Variants in FAM186A observed in about 807,000 individuals in gnomAD.
The protein encoded by FAM186A is family with sequence similarity 186 member A.
In FAM186A, 163 loss-of-function variants were observed where a neutral mutation model predicts 216.8. The observed-to-expected ratio is 0.75, with a 90% confidence interval of 0.66 to 0.86. FAM186A has a LOEUF of 0.86. Among genes scored for constraint, FAM186A ranks in the 40% least tolerant of loss-of-function variants. The pLI, the probability that FAM186A is intolerant of heterozygous loss-of-function variation, is 0.00. For synonymous variants in FAM186A, 805 were observed against 1,025.3 expected, an observed-to-expected ratio of 0.79 and a Z score of 4.10; for missense variants, 2,184 against 2,746.2, an observed-to-expected ratio of 0.80 and a Z score of 4.58.
At chr12:50,378,967 G>T (rs1943227343) in intron 1 of FAM186A, among the ~76,000 whole-genome samples, 1 of 152,192 alleles carries the variant, frequency 6.6e-6, no homozygotes, top group Non-Finnish European at 1.5e-5. Flanking sequence ...ACATAGGAAA[G>T]TGGTTGAATT....
At chr12:50,330,842 C>G in intron 6 of FAM186A, 84 bp from the exon 7 acceptor site, 1 of 1,193,902 alleles carries the variant, frequency 8.4e-7, no homozygotes, top group African/African-American at 1.6e-5. Context: ...CCCCTCTTCA[C>G]TGCCACCTTG....
At chr12:50,347,534 C>A (rs1358822945) in intron 4 of FAM186A, among the ~76,000 whole-genome samples, 1 of 151,880 alleles carries the variant, frequency 6.6e-6, no homozygotes, top group African/African-American at 2.4e-5. Flanking sequence ...AGTTCGAGAC[C>A]AGCCTGGCCA....
At chr12:50,349,719 G>A (rs1942856297) in intron 4 of FAM186A, among the ~76,000 whole-genome samples, 1 of 151,928 alleles carries the variant, frequency 6.6e-6, no homozygotes, top group Non-Finnish European at 1.5e-5. Flanking sequence ...TGGCATGATC[G>A]GCTTATTGCA....
In FAM186A at chr12:50,342,327, C is replaced by T. The variant is rs1357538955; in HGVS notation, c.6503+8002G>A. Reference sequence around the variant, plus strand: ...GTCTTAAAAAAAACAAAAACAAAAACAAAACAAAACAAAAAAACAAAGAAT... The same window carrying T: ...GTCTTAAAAAAAACAAAAACAAAAATAAAACAAAACAAAAAAACAAAGAAT... On this transcript the variant is annotated intron_variant, in intron 4 of 7. Coordinates refer to ENST00000327337, the MANE Select transcript of FAM186A (RefSeq NM_001145475.3). 4.0e-5 allele frequency among the ~76,000 whole-genome samples: 6 copies of T among 149,552 alleles called. No individual in the cohort carries two copies. The East Asian group carries it at 9.8e-4, about 25-fold the overall frequency.
Position 50,350,558 on chromosome 12 carries a change from C to A in FAM186A, c.6274G>T (p.Val2092Leu). 1 of 1,551,548 alleles carries A rather than the reference C, an allele frequency of 6.4e-7. No homozygotes were observed. Among genetic ancestry groups the A allele is most frequent in the Non-Finnish European group, 8.7e-7 (1 of 1,146,974 alleles). The stretch of plus-strand genomic sequence containing the variant: ...AGTTCTTGAGGAGAGGAAGGGGGCA[C>A]CATTACTTTGGGTTTCTTGGTATCT... ...VSDTKKPKVM[V>L]PPSSPQELEE... Residue 2092 changes from valine to leucine, a missense_variant, in exon 4 of 8, where the codon GTG becomes TTG. Around this residue, in one of 7 missense-constraint regions of FAM186A, gnomAD observed 721 missense variants for 816.4 expected, o/e 0.88. Coordinates refer to ENST00000327337, the MANE Select transcript of FAM186A (RefSeq NM_001145475.3).
rs768893027 is a variant in FAM186A, at chr12:50,351,917, G to A, written c.4915C>T (p.Leu1639Phe). Residue 1639 changes from leucine to phenylalanine, a missense_variant, in exon 4 of 8, where the codon CTC (leucine) becomes TTC (phenylalanine). Transcript: ENST00000327337. ...AGTGCCTGGGCCTGCTGAGGGGTGA[G>A]AGTGATCCCCTGAGCCTGCGCCTGC... ...PQQAQAQGIT[L>F]TPQQAQALGV... 1.3e-6 allele frequency: 2 copies of A among 1,537,314 alleles called. No homozygotes were observed. Among genetic ancestry groups the A allele is most frequent in the Non-Finnish European group, 1.8e-6 (2 of 1,138,724 alleles).
intron 1 of FAM186A, chr12:50,366,096 C>T: frequency 1.5e-6 from 1 of 672,866 alleles, no homozygotes. Context: ...ATAAAGTAAT[C>T]TTATATACGA....
intron 1 of FAM186A, among the ~76,000 whole-genome samples, chr12:50,367,516 CAAAAAAA>C (rs35171998): frequency 1.1e-5 from 1 of 89,718 alleles, no homozygotes; most frequent in Admixed American, 1.3e-4. Flanking sequence ...GACTCTGTCT[CAAAAAAA>C]AAAAAAAAAA....
At chr12:50,344,073 A>G (rs1336793321) in intron 4 of FAM186A, among the ~76,000 whole-genome samples, 1 of 147,810 alleles carries the variant, frequency 6.8e-6, no homozygotes, top group Non-Finnish European at 1.5e-5. Flanking sequence ...TTTTTTTTTC[A>G]AATTGAATTT....
chr12:50,377,396 T>G (rs1250828300), intron 1 of FAM186A, among the ~76,000 whole-genome samples: 1 of 152,176 alleles, frequency 6.6e-6, no homozygotes, highest in Non-Finnish European at 1.5e-5. Context: ...TGCACAATAT[T>G]TCAAAAATTT....
rs549274848 is a variant in FAM186A at position 50,363,418 on chromosome 12, G to A, written c.193-54C>T. On this transcript the variant is annotated intron_variant, in intron 1 of 7. Transcript: ENST00000327337. ...AATCTTCAGTTTGAAAAGAAGCTTT[G>A]GTCATCTTTCTTCTCAGAACGTCAG... 6 of 1,418,034 alleles carry A rather than the reference G, an allele frequency of 4.2e-6. No homozygotes were observed. In the African/African-American group the frequency reaches 5.7e-5, roughly 13 times the overall value. 87.8% of individuals were successfully genotyped at this position (1,418,034 alleles called of 1,614,324 possible).
chr12:50,329,241 T>G, intron 7 of FAM186A, among the ~76,000 whole-genome samples: 1 of 152,146 alleles, frequency 6.6e-6, no homozygotes, highest in East Asian at 1.9e-4. Flanking sequence ...AGTAATGGAA[T>G]GTAAGGAAAA....
chr12:50,348,970 C>A (rs1942849001), intron 4 of FAM186A, among the ~76,000 whole-genome samples: 1 of 151,982 alleles, frequency 6.6e-6, no homozygotes, highest in Non-Finnish European at 1.5e-5. Context: ...GTGTAATAAT[C>A]ATATTAAGGT....
chr12:50,363,160 A>G lies in FAM186A; in HGVS notation c.397T>C (p.Trp133Arg). ...REKTLANILA[W>R]LEEWNDVLSE... ...GTAAACTTACTCCATTCTTCCAACC[A>G]GGCCAGAATGTTGGCAAGAGTCTTT... The change falls in exon 2 of 8, where the codon TGG (tryptophan) becomes CGG (arginine). Residue 133 changes from tryptophan to arginine, a missense_variant. Around this residue, in one of 7 missense-constraint regions of FAM186A, gnomAD observed 1,132 missense variants for 1,263.4 expected, o/e 0.90. Coordinates refer to ENST00000327337, the MANE Select transcript of FAM186A (RefSeq NM_001145475.3). 6.5e-7 allele frequency: 1 copy of G among 1,548,606 alleles called. No individual in the cohort carries two copies. Among genetic ancestry groups the G allele is most frequent in the Non-Finnish European group, 8.7e-7 (1 of 1,145,638 alleles).
rs550111746 is a variant in FAM186A, at chr12:50,348,849, C to G, written c.6503+1480G>C. 2.6e-5 allele frequency among the ~76,000 whole-genome samples: 4 copies of G among 152,186 alleles called. No homozygotes were observed. The East Asian group carries it at 7.7e-4, about 29-fold the overall frequency. On this transcript the variant is annotated intron_variant, in intron 4 of 7. Coordinates refer to ENST00000327337, the MANE Select transcript of FAM186A (RefSeq NM_001145475.3). Reference sequence around the variant, plus strand: ...GTGATTACAGATGTGAGCAACCACGCGTGGCCATTTTTTTGTTTGTTTTTC... The same window carrying G: ...GTGATTACAGATGTGAGCAACCACGGGTGGCCATTTTTTTGTTTGTTTTTC...
At chr12:50,380,987 A>AG (rs71083557) in intron 1 of FAM186A, among the ~76,000 whole-genome samples, 152,303 of 152,310 alleles carry the variant, frequency 1, 76,148 homozygotes, top group Middle Eastern at 1. Flanking sequence ...GCACAGGCAC[A>AG]GTGCCGACTC....
At chr12:50,360,690 A>AG (rs397726164) in intron 3 of FAM186A, 66 bp downstream of exon 3, 39 of 1,396,630 alleles carry the variant, frequency 2.8e-5, no homozygotes, top group Non-Finnish European at 3.6e-5. Context: ...AAAAAAAAAA[A>AG]GTTGTTTCTC....
chr12:50,353,587 T>C lies in FAM186A; in HGVS notation c.3245A>G (p.Glu1082Gly). ...CIHLTPQQAQ[E>G]VGITLTPQQA... Reference sequence around the variant, plus strand: ...CTGAGGAGTGAGTGTGATCCCCACTTCCTGGGCCTGCTGAGGTGTGAGATG... The same window carrying C: ...CTGAGGAGTGAGTGTGATCCCCACTCCCTGGGCCTGCTGAGGTGTGAGATG... The change falls in exon 4 of 8, where the codon GAA becomes GGA. Residue 1082 changes from glutamate to glycine, a missense_variant. Physicochemically the swap from Glu to Gly is moderately conservative, Grantham distance 98. This residue lies in a region of FAM186A where 1,132 missense variants were observed against 1,263.4 expected (regional missense o/e 0.90). Coordinates refer to ENST00000327337, the MANE Select transcript of FAM186A (RefSeq NM_001145475.3). 6.6e-7 allele frequency: 1 copy of C among 1,524,480 alleles called. No individual in the cohort carries two copies. The highest frequency in any genetic ancestry group is 8.8e-7 in the Non-Finnish European group (1 of 1,135,774). 94.4% of individuals were successfully genotyped at this position (1,524,480 alleles called of 1,614,324 possible).
chr12:50,355,230 A>G lies in FAM186A; in HGVS notation c.1602T>C (p.Gly534=). ...HLSLTETKSQ[G]GKSGTSMMML... ...TCATCATACTTGTTCCACTTTTGCC[A>G]CCTTGGCTCTTTGTTTCAGTTAAAG... The change falls in exon 4 of 8, where the codon GGT becomes GGC. Residue 534 remains glycine, a synonymous_variant. Transcript: ENST00000327337. 6.4e-7 allele frequency: 1 copy of G among 1,551,574 alleles called. No homozygotes were observed. Among genetic ancestry groups the G allele is most frequent in the South Asian group, 1.2e-5 (1 of 84,048 alleles).
Sources: gnomAD v4.1 joint callset for allele counts (sites outside exome capture counted in the v4.1 genomes callset) on GRCh38, gnomAD v4.1.1 for gene constraint, gnomAD v4.1.1 regional missense constraint, MANE v1.5 for transcripts, NCBI Gene and HGNC (gene_info 2026-07-23, HGNC 2026-07-21) for gene names.